Variants in KCND2 observed in about 807,000 individuals in gnomAD.
KCND2 encodes the protein potassium voltage-gated channel subfamily D member 2, also known as A-type voltage-gated potassium channel KCND2.
KCND2 carries 16 observed loss-of-function variants against 54.4 expected under a neutral mutation model. The ratio of observed to expected loss-of-function variants is 0.29; its 90% CI spans 0.20 to 0.45. The LOEUF (loss-of-function observed/expected upper bound fraction) is 0.45, where lower values mean the gene tolerates loss of function less well. Ranked by LOEUF, KCND2 falls within the 20% of genes least tolerant of loss-of-function variation. The probability of loss-of-function intolerance (pLI) is 1.00; values close to 1 mark genes in which losing one functional copy is unlikely to be tolerated. For missense variants in KCND2, 486 were observed against 824.2 expected, an observed-to-expected ratio of 0.59 and a Z score of 5.02; for synonymous variants, 317 against 310.7, an observed-to-expected ratio of 1.02 and a Z score of -0.21.
chr7:120,528,035 A>T (rs904846966), intron 1 of KCND2, among the ~76,000 whole-genome samples: 2 of 152,148 alleles, frequency 1.3e-5, no homozygotes, highest in Non-Finnish European at 2.9e-5. Context: ...TTATTGTACT[A>T]TACAATAAGC....
At chr7:120,428,143 T>C (rs1321442392) in intron 1 of KCND2, among the ~76,000 whole-genome samples, 1 of 152,202 alleles carries the variant, frequency 6.6e-6, no homozygotes, top group Non-Finnish European at 1.5e-5. Flanking sequence ...GGAATAAATA[T>C]AAGACATCTG....
chr7:120,653,356 AT>A (rs945745168), intron 1 of KCND2, among the ~76,000 whole-genome samples: 1 of 151,962 alleles, frequency 6.6e-6, no homozygotes, highest in African/African-American at 2.4e-5. Context: ...CCTCTTTACA[AT>A]TCTGCCTCAT....
At chr7:120,382,157 TA>T in intron 1 of KCND2, among the ~76,000 whole-genome samples, 1 of 151,982 alleles carries the variant, frequency 6.6e-6, no homozygotes, top group South Asian at 2.1e-4. Context: ...TTCAAGGACA[TA>T]AGGACAAGTT....
At chr7:120,511,206 T>C (rs1017820972) in intron 1 of KCND2, among the ~76,000 whole-genome samples, 5 of 152,004 alleles carry the variant, frequency 3.3e-5, no homozygotes, top group Non-Finnish European at 7.4e-5. Flanking sequence ...CCTTCACATC[T>C]CCTCTCAAAA....
chr7:120,403,949 T>G (rs1296845084), intron 1 of KCND2, among the ~76,000 whole-genome samples: 1 of 152,160 alleles, frequency 6.6e-6, no homozygotes, highest in African/African-American at 2.4e-5. Context: ...AAAATCATTT[T>G]CAGAATTTTT....
chr7:120,506,871 T>C (rs1263404138), intron 1 of KCND2, among the ~76,000 whole-genome samples: 1 of 151,874 alleles, frequency 6.6e-6, no homozygotes, highest in African/African-American at 2.4e-5. Context: ...TTTATTTAAT[T>C]ACTATCCATG....
chr7:120,390,974 A>G (rs1801067006), intron 1 of KCND2, among the ~76,000 whole-genome samples: 1 of 152,006 alleles, frequency 6.6e-6, no homozygotes, highest in Non-Finnish European at 1.5e-5. Context: ...ATAGGTATAT[A>G]TGTGCCATGG....
chr7:120,619,360 C>T lies in KCND2; in HGVS notation c.1116-113543C>T, dbSNP rs530385974. On this transcript the variant is annotated intron_variant, in intron 1 of 5. Transcript: ENST00000331113. ...CAGGGAGGCAGAGGCTGCAGTGAGCCGAGATTGTGCCACTGCACTCCAGTC... is the reference window on the plus strand; with the variant it reads ...CAGGGAGGCAGAGGCTGCAGTGAGCTGAGATTGTGCCACTGCACTCCAGTC... Among the ~76,000 whole-genome samples the T allele has an allele frequency of 2.6e-5, 4 of 152,054 alleles. 1 individual carries two copies. Among genetic ancestry groups the T allele is most frequent in the East Asian group, 3.9e-4 (2 of 5,176 alleles).
chr7:120,708,764 C>A (rs973264877), intron 1 of KCND2, among the ~76,000 whole-genome samples: 1 of 152,042 alleles, frequency 6.6e-6, no homozygotes, highest in Non-Finnish European at 1.5e-5. Flanking sequence ...ACCCTCCCAA[C>A]CTGCTTAAGA....
chr7:120,554,079 ACCTAT>A (rs1792133392), intron 1 of KCND2, among the ~76,000 whole-genome samples: 1 of 152,182 alleles, frequency 6.6e-6, no homozygotes, highest in Non-Finnish European at 1.5e-5. Flanking sequence ...ATTAGGGTTA[ACCTAT>A]TTTCCTGCTG....
At chr7:120,526,097 G>A (rs1791769570) in intron 1 of KCND2, among the ~76,000 whole-genome samples, 1 of 152,040 alleles carries the variant, frequency 6.6e-6, no homozygotes, top group Admixed American at 6.6e-5. Flanking sequence ...TTGACCCAAT[G>A]CCCTCTCCCC....
At chr7:120,733,105 C>T in intron 2 of KCND2, 40 bp downstream of exon 2, 1 of 1,604,752 alleles carries the variant, frequency 6.2e-7, no homozygotes, top group East Asian at 2.2e-5. Flanking sequence ...TTAGCACTTC[C>T]CACTTTTTAT....
At chr7:120,614,135 C>A (rs1257614177) in intron 1 of KCND2, among the ~76,000 whole-genome samples, 1 of 151,970 alleles carries the variant, frequency 6.6e-6, no homozygotes, top group Non-Finnish European at 1.5e-5. Flanking sequence ...GGCTCAGCCT[C>A]CAGAGTAGCT....
chr7:120,524,180 A>T (rs1490815112), intron 1 of KCND2, among the ~76,000 whole-genome samples: 1 of 152,000 alleles, frequency 6.6e-6, no homozygotes, highest in Non-Finnish European at 1.5e-5. Flanking sequence ...GGCTGCAGTG[A>T]GCCAAGATCA....
chr7:120,517,986 T>G (rs1803220105), intron 1 of KCND2, among the ~76,000 whole-genome samples: 1 of 152,142 alleles, frequency 6.6e-6, no homozygotes, highest in South Asian at 2.1e-4. Context: ...CCACAGTACT[T>G]TCAGATATTT....
chr7:120,671,448 C>T (rs892318120), intron 1 of KCND2, among the ~76,000 whole-genome samples: 4 of 152,014 alleles, frequency 2.6e-5, no homozygotes, highest in East Asian at 1.9e-4. Flanking sequence ...TGGTGGTCTA[C>T]GGCCCGGGAG....
Position 120,275,355 on chromosome 7 carries a change from A to T in KCND2, c.723A>T (p.Thr241=), listed in dbSNP as rs1341782874. The T allele has an allele frequency of 2.5e-6, 4 of 1,613,550 alleles. No homozygotes were observed. In the Admixed American group the frequency reaches 6.7e-5, roughly 27 times the overall value. Residue 241 remains threonine (T), a synonymous_variant, in exon 1 of 6, where the codon ACA becomes ACT. Coordinates refer to ENST00000331113, the MANE Select transcript of KCND2 (RefSeq NM_012281.3). ...ACACGGCCTGCGTCATGATCTTCAC[A>T]GTTGAGTATTTGCTTCGCCTGGCTG... ...CLDTACVMIF[T]VEYLLRLAAA...
chr7:120,739,798 A>AGCAC (rs779585490), intron 2 of KCND2, among the ~76,000 whole-genome samples: 1 of 143,970 alleles, frequency 6.9e-6, no homozygotes, highest in African/African-American at 2.5e-5. Flanking sequence ...TAACAAAAGA[A>AGCAC]ACACACACAC....
intron 1 of KCND2, among the ~76,000 whole-genome samples, chr7:120,416,593 A>G (rs979996667): frequency 1.3e-5 from 2 of 152,192 alleles, no homozygotes; most frequent in African/African-American, 2.4e-5. Context: ...AGTGCCTACT[A>G]TATGCCTGAC....
Sources: gnomAD v4.1 joint callset for allele counts (sites outside exome capture counted in the v4.1 genomes callset) on GRCh38, gnomAD v4.1.1 for gene constraint, MANE v1.5 for transcripts, NCBI Gene and HGNC (gene_info 2026-07-23, HGNC 2026-07-21) for gene names.